The following CTXN3 variants were observed in gnomAD, a reference collection of about 807,000 sequenced individuals.
CTXN3 encodes the protein cortexin 3.
CTXN3 carries 4 observed loss-of-function variants against 5.0 expected under a neutral mutation model. The ratio of observed to expected loss-of-function variants is 0.79; its 90% CI spans 0.39 to 1.82. CTXN3 has a LOEUF of 1.82. Among genes scored for constraint, CTXN3 ranks in the 40% most tolerant of loss-of-function variants. The pLI, the probability that CTXN3 is intolerant of heterozygous loss-of-function variation, is 0.04. For synonymous variants in CTXN3, 48 were observed against 38.6 expected (o/e 1.24, Z -0.91); for missense variants, 89 against 99.7 (o/e 0.89, Z 0.46).
intron 1 of CTXN3, chr5:127,652,894 T>C (rs1749813998): frequency 6.6e-6 from 1 of 152,196 alleles, no homozygotes; most frequent in Non-Finnish European, 1.5e-5. Context: ...TTTCTAAACT[T>C]ATAAAAATAA....
rs780172652 is a variant in CTXN3 at position 127,657,826 on chromosome 5, T to A, written c.*59T>A. On this transcript the variant is annotated 3_prime_UTR_variant, in exon 3 of 3. Transcript: ENST00000379445. ...GAAGTGCTTTGTGTCTTGGTGAGGATTCCCTTTATTTAGTGTTCTCAACAA... is the reference window on the plus strand; with the variant it reads ...GAAGTGCTTTGTGTCTTGGTGAGGAATCCCTTTATTTAGTGTTCTCAACAA... 1.1e-4 allele frequency: 177 copies of A among 1,587,264 alleles called. No individual in the cohort carries two copies. The highest frequency in any genetic ancestry group is 1.4e-4 in the Non-Finnish European group (164 of 1,160,414).
chr5:127,656,307 T>C (rs999247573), intron 2 of CTXN3, among the ~76,000 whole-genome samples: 2 of 152,238 alleles, frequency 1.3e-5, no homozygotes, highest in African/African-American at 4.8e-5. Flanking sequence ...ACTTGTCATG[T>C]ATATACTTGT....
At position 127,655,992 on chromosome 5, in the gene CTXN3, C is replaced by T. The variant is rs780372770; in HGVS notation, c.-99-1431C>T. The stretch of plus-strand genomic sequence containing the variant: ...TGTCAATATAATGCAAACTGTTATG[C>T]TATGATTACTAATGCTGTACTTGAA... On this transcript the variant is annotated intron_variant, in intron 2 of 2. Coordinates refer to ENST00000379445, the MANE Select transcript of CTXN3 (RefSeq NM_001048252.3). 9.2e-5 allele frequency among the ~76,000 whole-genome samples: 14 copies of T among 152,196 alleles called. 1 individual carries two copies. Among genetic ancestry groups the T allele is most frequent in the Admixed American group, 5.9e-4 (9 of 15,276 alleles).
intron 2 of CTXN3, among the ~76,000 whole-genome samples, chr5:127,656,242 T>C (rs1439622187): frequency 6.6e-6 from 1 of 152,194 alleles, no homozygotes; most frequent in East Asian, 1.9e-4. Context: ...TTATTTACGA[T>C]GTGATTTAAG....
At chr5:127,655,523 AT>A (rs1299830799) in intron 2 of CTXN3, among the ~76,000 whole-genome samples, 1 of 152,184 alleles carries the variant, frequency 6.6e-6, no homozygotes, top group Non-Finnish European at 1.5e-5. Flanking sequence ...CCCTTGGAGA[AT>A]TTTATATTTC....
chr5:127,651,796 G>A (rs991575208), intron 1 of CTXN3: 2 of 151,256 alleles, frequency 1.3e-5, no homozygotes, highest in African/African-American at 2.4e-5. Flanking sequence ...GGTGTCCAAT[G>A]CACTTAAGTA....
Position 127,657,474 on chromosome 5 carries a change from T to C in CTXN3, c.-48T>C, listed in dbSNP as rs746619857. 2.2e-5 allele frequency: 36 copies of C among 1,605,300 alleles called. No individual in the cohort carries two copies. In the Admixed American group the frequency reaches 5.7e-4, roughly 25 times the overall value. ...CACCATGACCTCCGCAGATTGATGATGGAAGAAAAGAAAACCAGGATATCC... is the reference window on the plus strand; with the variant it reads ...CACCATGACCTCCGCAGATTGATGACGGAAGAAAAGAAAACCAGGATATCC... On this transcript the variant is annotated 5_prime_UTR_variant, in exon 3 of 3. It removes an upstream start codon present in the reference 5' UTR. Coordinates refer to ENST00000379445, the MANE Select transcript of CTXN3 (RefSeq NM_001048252.3).
Position 127,657,855 on chromosome 5 carries a change from A to T in CTXN3, c.*88A>T. The T allele has an allele frequency of 6.8e-7, 1 of 1,474,162 alleles. No individual in the cohort carries two copies. The highest frequency in any genetic ancestry group is 9.2e-7 in the Non-Finnish European group (1 of 1,081,330). 91.3% of individuals were successfully genotyped at this position (1,474,162 alleles called of 1,614,324 possible). ...CTTTATTTAGTGTTCTCAACAAATC[A>T]AATTTAAACAATATTTGGTCCCAGG... is the stretch of plus-strand genomic sequence containing the variant. On this transcript the variant is annotated 3_prime_UTR_variant, in exon 3 of 3. Coordinates refer to ENST00000379445, the MANE Select transcript of CTXN3 (RefSeq NM_001048252.3).
In CTXN3 at chr5:127,658,199, A is replaced by C; in HGVS notation, c.*432A>C. On this transcript the variant is annotated 3_prime_UTR_variant, in exon 3 of 3. Coordinates refer to ENST00000379445, the MANE Select transcript of CTXN3 (RefSeq NM_001048252.3). Reference sequence around the variant, plus strand: ...TATTTGTTTTATTTCATGGGCACCTATCTGGGTCCTGAGCAGAATGAGGAA... The same window carrying C: ...TATTTGTTTTATTTCATGGGCACCTCTCTGGGTCCTGAGCAGAATGAGGAA... 5.2e-6 allele frequency: 1 copy of C among 190,982 alleles called. No homozygotes were observed. Among genetic ancestry groups the C allele is most frequent in the Non-Finnish European group, 1.2e-5 (1 of 82,232 alleles). The allele number at this position is 190,982 out of a possible 1,614,324, so 11.8% of individuals were successfully genotyped here.
chr5:127,655,618 C>G (rs1026101073), intron 2 of CTXN3, among the ~76,000 whole-genome samples: 6 of 152,222 alleles, frequency 3.9e-5, no homozygotes, highest in African/African-American at 1.2e-4. Context: ...ATTGGAGGCT[C>G]TGGCCTCCCT....
intron 2 of CTXN3, among the ~76,000 whole-genome samples, chr5:127,654,329 A>G (rs1371540689): frequency 6.6e-6 from 1 of 152,194 alleles, no homozygotes; most frequent in Admixed American, 6.5e-5. Context: ...GAGTATACAC[A>G]TATTTATATT....
In CTXN3 at chr5:127,658,075, ACAC is replaced by A. The variant is rs1749957313; in HGVS notation, c.*313_*315del. 2 of 332,306 alleles carry A rather than the reference ACAC, an allele frequency of 6.0e-6. No individual in the cohort carries two copies. Among genetic ancestry groups the A allele is most frequent in the African/African-American group, 4.3e-5 (2 of 46,500 alleles). The allele number at this position is 332,306 out of a possible 1,614,324, so 20.6% of individuals were successfully genotyped here. A position where few individuals can be genotyped will look rare whatever the true frequency, so the allele number is the denominator to read the frequency against. On this transcript the variant is annotated 3_prime_UTR_variant, in exon 3 of 3. Transcript: ENST00000379445. ...TGACATAGATTTGCCATCAAACAAA[ACAC>A]CACCTGATCTGACTAAAGAATAAAA...
In CTXN3 at chr5:127,657,515, C is replaced by T. The variant is rs773305250; in HGVS notation, c.-7C>T. 3.1e-6 allele frequency: 5 copies of T among 1,613,904 alleles called. No individual in the cohort carries two copies. The South Asian group carries it at 5.5e-5, about 18-fold the overall frequency. On this transcript the variant is annotated 5_prime_UTR_variant, in exon 3 of 3. Coordinates refer to ENST00000379445, the MANE Select transcript of CTXN3 (RefSeq NM_001048252.3). The stretch of plus-strand genomic sequence containing the variant: ...CAGGATATCCTGTGCTCTGGCTTCC[C>T]TGGACCATGGATGGAGGACAGCCCA...
intron 2 of CTXN3, 189 bp downstream of exon 2, chr5:127,653,612 A>C (rs1749841430): frequency 1.3e-5 from 2 of 152,244 alleles, no homozygotes; most frequent in South Asian, 4.1e-4. Flanking sequence ...TTTTACCAAA[A>C]AGGGACATTT....
In CTXN3 at chr5:127,657,797, A is replaced by G. The variant is rs745983302; in HGVS notation, c.*30A>G. ...GATGGTGTGGGATCTCCTCCTGAGG[A>G]GATGAAGTGCTTTGTGTCTTGGTGA... On this transcript the variant is annotated 3_prime_UTR_variant, in exon 3 of 3. Transcript: ENST00000379445. 1 of 1,612,068 alleles carries G rather than the reference A, an allele frequency of 6.2e-7. No individual in the cohort carries two copies. The highest frequency in any genetic ancestry group is 8.5e-7 in the Non-Finnish European group (1 of 1,178,708).
chr5:127,657,581 T>C lies in CTXN3; in HGVS notation c.60T>C (p.Asp20=). Reference sequence around the variant, plus strand: ...TGCCCCTTGGGAACGAATCAGCAGATTCTAGCATGTCCCTGGAGCAGAAAA... The same window carrying C: ...TGCCCCTTGGGAACGAATCAGCAGACTCTAGCATGTCCCTGGAGCAGAAAA... The part of the protein sequence containing the change: ...SLVPLGNESA[D]SSMSLEQKMT... Residue 20 remains aspartate (D), a synonymous_variant, in exon 3 of 3, where the codon GAT becomes GAC. Coordinates refer to ENST00000379445, the MANE Select transcript of CTXN3 (RefSeq NM_001048252.3). 6.2e-7 allele frequency: 1 copy of C among 1,614,128 alleles called. No individual in the cohort carries two copies. The highest frequency in any genetic ancestry group is 8.5e-7 in the Non-Finnish European group (1 of 1,180,004).
chr5:127,658,591 T>C lies in CTXN3; in HGVS notation c.*824T>C, dbSNP rs1032018987. On this transcript the variant is annotated 3_prime_UTR_variant, in exon 3 of 3. Coordinates refer to ENST00000379445, the MANE Select transcript of CTXN3 (RefSeq NM_001048252.3). ...TAGTCTTCAGAGGAATGTGTATTTA[T>C]GATTGTATATAGTCACCAAATAAAA... 15 of 167,128 alleles carry C rather than the reference T, an allele frequency of 9.0e-5. No individual in the cohort carries two copies. Among genetic ancestry groups the C allele is most frequent in the African/African-American group, 3.4e-4 (14 of 41,474 alleles). The allele number at this position is 167,128 out of a possible 1,614,324, so 10.4% of individuals were successfully genotyped here.
rs944647601 is a variant in CTXN3, at chr5:127,657,965, A to T, written c.*198A>T. ...AATGGACACTTATATAACTAATCCA[A>T]CATAAGAAGGTTTAAATTTTTATGT... is the stretch of plus-strand genomic sequence containing the variant. On this transcript the variant is annotated 3_prime_UTR_variant, in exon 3 of 3. Coordinates refer to ENST00000379445, the MANE Select transcript of CTXN3 (RefSeq NM_001048252.3). 2 of 622,888 alleles carry T rather than the reference A, an allele frequency of 3.2e-6. No homozygotes were observed. The highest frequency in any genetic ancestry group is 5.6e-6 in the Non-Finnish European group (2 of 357,524). The allele number at this position is 622,888 out of a possible 1,614,324, so 38.6% of individuals were successfully genotyped here. A position where few individuals can be genotyped will look rare whatever the true frequency, so the allele number is the denominator to read the frequency against.
chr5:127,655,837 T>A (rs1749895414), intron 2 of CTXN3, among the ~76,000 whole-genome samples: 1 of 152,222 alleles, frequency 6.6e-6, no homozygotes, highest in African/African-American at 2.4e-5. Flanking sequence ...GTTATAGCCT[T>A]TAAAAAAATT....
Sources: allele counts gnomAD v4.1 joint callset (sites outside exome capture counted in the v4.1 genomes callset), GRCh38; gene constraint gnomAD v4.1.1; transcripts MANE v1.5; gene names NCBI Gene and HGNC (gene_info 2026-07-23, HGNC 2026-07-21).